ABL1: variants seen among roughly 807,000 people sequenced by gnomAD.
ABL1 encodes the protein ABL proto-oncogene 1, non-receptor tyrosine kinase.
A neutral mutation model predicts 94.7 loss-of-function variants in ABL1; 11 were observed. The ratio of observed to expected loss-of-function variants is 0.12; its 90% CI spans 0.07 to 0.19. ABL1 has a LOEUF of 0.19. Ranked by LOEUF, ABL1 falls within the 10% of genes least tolerant of loss-of-function variation. The pLI, the probability that ABL1 is intolerant of heterozygous loss-of-function variation, is 1.00. For missense variants in ABL1, 1,082 were observed against 1,489.4 expected, an observed-to-expected ratio of 0.73 and a Z score of 4.50; for synonymous variants, 656 against 622.4, an observed-to-expected ratio of 1.05 and a Z score of -0.80.
At chr9:130,811,841 G>A (rs559917082) in intron 1 of ABL1, among the ~76,000 whole-genome samples, 94 of 149,156 alleles carry the variant, frequency 6.3e-4, no homozygotes, top group African/African-American at 2.0e-3. Flanking sequence ...GAACCCAGGA[G>A]GCAGAGGTTG....
intron 1 of ABL1, among the ~76,000 whole-genome samples, chr9:130,809,898 T>C (rs35050887): frequency 0.036 from 5,418 of 152,272 alleles, 308 homozygotes; most frequent in African/African-American, 0.12. Context: ...CTAGAATAAA[T>C]GCTATTCTGG....
At chr9:130,819,212 C>T (rs1194846613) in intron 1 of ABL1, among the ~76,000 whole-genome samples, 2 of 152,000 alleles carry the variant, frequency 1.3e-5, no homozygotes, top group African/African-American at 4.8e-5. Context: ...ATTAGCTGAG[C>T]GTGGTGGCAC....
chr9:130,746,074 A>G (rs149334194), intron 1 of ABL1, among the ~76,000 whole-genome samples: 2 of 152,156 alleles, frequency 1.3e-5, no homozygotes, highest in African/African-American at 2.4e-5. Flanking sequence ...TCTGAATTCA[A>G]ATCTCAGCTG....
At chr9:130,830,832 A>G (rs574406385), upstream of ABL1, among the ~76,000 whole-genome samples, 1 of 152,268 alleles carries the variant, frequency 6.6e-6, no homozygotes, top group African/African-American at 2.4e-5. Context: ...AGGCTCTGAG[A>G]GGTGAAGTCG....
At chr9:130,812,040 A>C (rs781773545) in intron 1 of ABL1, among the ~76,000 whole-genome samples, 11 of 151,514 alleles carry the variant, frequency 7.3e-5, no homozygotes, top group Admixed American at 1.3e-4. Context: ...AAAGAGCAAG[A>C]TGGTAGGTTA....
intron 1 of ABL1, among the ~76,000 whole-genome samples, chr9:130,742,803 C>T (rs1273951215): frequency 6.6e-6 from 1 of 151,754 alleles, no homozygotes; most frequent in African/African-American, 2.4e-5. Context: ...CAGATGTACG[C>T]ACATTAGTAT....
At chr9:130,802,435 A>G (rs1402165375) in intron 1 of ABL1, among the ~76,000 whole-genome samples, 1 of 151,396 alleles carries the variant, frequency 6.6e-6, no homozygotes, top group Non-Finnish European at 1.5e-5. Flanking sequence ...GTTAATTTCT[A>G]CTCATCTTTT....
In ABL1 at chr9:130,855,107, C is replaced by T; in HGVS notation, c.549+11C>T. The T allele has an allele frequency of 1.2e-6, 2 of 1,608,098 alleles. No individual in the cohort carries two copies. The highest frequency in any genetic ancestry group is 1.7e-6 in the Non-Finnish European group (2 of 1,175,776). On this transcript the variant is annotated intron_variant, in intron 3 of 10. Coordinates refer to ENST00000318560, the MANE Select transcript of ABL1 (RefSeq NM_005157.6). ...GCTTCTGATGGCAAGGTAGGGGACC[C>T]TTGGCAGGGGGCGCTGATGGGCCCA...
At chr9:130,767,457 C>T (rs955508956) in intron 1 of ABL1, among the ~76,000 whole-genome samples, 3 of 152,292 alleles carry the variant, frequency 2.0e-5, no homozygotes, top group South Asian at 2.1e-4. Flanking sequence ...CTCAGCCTCC[C>T]GAGTAGCTGG....
intron 1 of ABL1, among the ~76,000 whole-genome samples, chr9:130,797,319 C>G (rs1466028535): frequency 7.4e-6 from 1 of 135,962 alleles, no homozygotes; most frequent in Non-Finnish European, 1.6e-5. Flanking sequence ...TTATTCTTGT[C>G]TTTGGAGAAC....
intron 1 of ABL1, among the ~76,000 whole-genome samples, chr9:130,825,483 T>G (rs2132884234): frequency 6.6e-6 from 1 of 152,356 alleles, no homozygotes; most frequent in South Asian, 2.1e-4. Context: ...GGCTTTTCTT[T>G]TATCAGTTCC....
At chr9:130,768,413 G>A (rs1832210477) in intron 1 of ABL1, among the ~76,000 whole-genome samples, 1 of 152,200 alleles carries the variant, frequency 6.6e-6, no homozygotes, top group Non-Finnish European at 1.5e-5. Flanking sequence ...GTGACGACTA[G>A]CTGTGTATCC....
At chr9:130,797,164 C>T (rs1238673298) in intron 1 of ABL1, among the ~76,000 whole-genome samples, 21 of 120,152 alleles carry the variant, frequency 1.7e-4, no homozygotes, top group Admixed American at 9.3e-4. Flanking sequence ...TGAACCCAGG[C>T]GGCAAAGGTT....
chr9:130,816,532 CTTTT>C (rs539346886), intron 1 of ABL1, among the ~76,000 whole-genome samples: 1 of 143,208 alleles, frequency 7.0e-6, no homozygotes, highest in Non-Finnish European at 1.5e-5. Flanking sequence ...ACCCATTCCT[CTTTT>C]TTTTTTTTTG....
At chr9:130,853,262 G>A (rs1265941024) in intron 1 of ABL1, among the ~76,000 whole-genome samples, 1 of 119,974 alleles carries the variant, frequency 8.3e-6, no homozygotes, top group African/African-American at 3.2e-5. Context: ...TGCAACCTCC[G>A]CCTCCCAGGT....
At chr9:130,879,039 G>A (rs538084975) in intron 8 of ABL1, among the ~76,000 whole-genome samples, 5 of 151,912 alleles carry the variant, frequency 3.3e-5, no homozygotes, top group South Asian at 2.1e-4. Context: ...CACCACGCCC[G>A]GCTAATTTTG....
chr9:130,883,460 G>A (rs1026202610), intron 10 of ABL1, among the ~76,000 whole-genome samples: 3 of 150,336 alleles, frequency 2.0e-5, no homozygotes, highest in African/African-American at 7.4e-5. Context: ...TCGTGCCACT[G>A]CACTCCAGCG....
At chr9:130,773,276 G>A (rs1165902909) in intron 1 of ABL1, among the ~76,000 whole-genome samples, 1 of 152,032 alleles carries the variant, frequency 6.6e-6, no homozygotes, top group Non-Finnish European at 1.5e-5. Context: ...CTGAGATCGT[G>A]CCATTGCACT....
At chr9:130,725,436 A>C (rs1831568749) in intron 1 of ABL1, among the ~76,000 whole-genome samples, 1 of 152,222 alleles carries the variant, frequency 6.6e-6, no homozygotes, top group East Asian at 1.9e-4. Flanking sequence ...GCTGGAGTGC[A>C]ATGGCGCGAT....
Sources: allele counts gnomAD v4.1 joint callset (sites outside exome capture counted in the v4.1 genomes callset), GRCh38; gene constraint gnomAD v4.1.1; transcripts MANE v1.5; gene names NCBI Gene and HGNC (gene_info 2026-07-23, HGNC 2026-07-21).